The following LPP variants were observed in gnomAD, a reference collection of about 807,000 sequenced individuals.
LPP encodes the protein lipoma-preferred partner.
In LPP, 38 loss-of-function variants were observed where a neutral mutation model predicts 60.4. That is an observed-to-expected ratio of 0.63 (90% CI 0.49 to 0.83). LPP has a LOEUF of 0.83. LPP is among the 40% of genes least tolerant of loss of function. The pLI is 0.00. For synonymous variants in LPP, 328 were observed against 290.8 expected, an observed-to-expected ratio of 1.13 and a Z score of -1.30; for missense variants, 902 against 783.6, an observed-to-expected ratio of 1.15 and a Z score of -1.80.
At chr3:188,484,509 A>C in intron 4 of LPP, 83 bp from the exon 5 acceptor site, 1 of 998,952 alleles carries the variant, frequency 1.0e-6, no homozygotes, top group Non-Finnish European at 1.5e-6. Flanking sequence ...CAATTATAAA[A>C]AAGTAAAATG....
intron 7 of LPP, among the ~76,000 whole-genome samples, chr3:188,615,848 T>A (rs189233573): frequency 1.3e-3 from 197 of 152,282 alleles, no homozygotes; most frequent in African/African-American, 4.5e-3. Context: ...GATGTTGAAC[T>A]TTTTTTCATA....
chr3:188,196,715 T>C (rs758225477), intron 1 of LPP, among the ~76,000 whole-genome samples: 3 of 152,238 alleles, frequency 2.0e-5, no homozygotes, highest in Admixed American at 6.5e-5. Context: ...ATCCTTTGCA[T>C]GAATTAAGGG....
chr3:188,733,596 G>T (rs192360629), intron 8 of LPP, among the ~76,000 whole-genome samples: 64 of 152,070 alleles, frequency 4.2e-4, no homozygotes, highest in African/African-American at 1.4e-3. Flanking sequence ...AATTTTTGTT[G>T]CTACTGTGCA....
intron 7 of LPP, among the ~76,000 whole-genome samples, chr3:188,642,037 A>C (rs1580637624): frequency 6.6e-6 from 1 of 152,152 alleles, no homozygotes; most frequent in East Asian, 1.9e-4. Flanking sequence ...GCGCTTGATA[A>C]TTATTGGTGA....
At chr3:188,493,690 G>C (rs561794874) in intron 5 of LPP, among the ~76,000 whole-genome samples, 3 of 152,124 alleles carry the variant, frequency 2.0e-5, no homozygotes, top group African/African-American at 7.2e-5. Context: ...CAGTTCTCCT[G>C]TCCTGATGCC....
chr3:188,811,832 T>C lies in LPP; in HGVS notation c.1410+51550T>C, dbSNP rs547384277. ...TTGTGCTTTTGTTGTTTTCTTTTTC[T>C]TTAAATCCTTAAAAAAGTTGTGGAT... On this transcript the variant is annotated intron_variant, in intron 9 of 11. Coordinates refer to ENST00000617246, the MANE Select transcript of LPP (RefSeq NM_001375462.1). 3.5e-4 allele frequency among the ~76,000 whole-genome samples: 54 copies of C among 152,292 alleles called. 1 individual carries two copies. The highest frequency in any genetic ancestry group is 1.3e-3 in the African/African-American group (53 of 41,578).
chr3:188,179,213 C>T, intron 1 of LPP: 1 of 456,870 alleles, frequency 2.2e-6, no homozygotes. Flanking sequence ...TTGAATTTGC[C>T]ACCGTGAAGA....
At chr3:188,388,622 C>T (rs925463522) in intron 3 of LPP, among the ~76,000 whole-genome samples, 1 of 152,272 alleles carries the variant, frequency 6.6e-6, no homozygotes, top group African/African-American at 2.4e-5. Flanking sequence ...ATTCTCATGG[C>T]ATTGGGATAA....
intron 1 of LPP, among the ~76,000 whole-genome samples, chr3:188,161,813 T>C (rs1412803618): frequency 1.3e-5 from 2 of 152,196 alleles, no homozygotes; most frequent in African/African-American, 2.4e-5. Context: ...GGCTTGAAAC[T>C]TGCGCTTCAT....
intron 2 of LPP, among the ~76,000 whole-genome samples, chr3:188,233,435 CAG>C (rs1019675141): frequency 6.6e-6 from 1 of 152,150 alleles, no homozygotes; most frequent in African/African-American, 2.4e-5. Context: ...TGGACTTCTT[CAG>C]GATGAGATCA....
intron 4 of LPP, among the ~76,000 whole-genome samples, chr3:188,475,641 G>T (rs1364874937): frequency 6.6e-6 from 1 of 152,126 alleles, no homozygotes; most frequent in Non-Finnish European, 1.5e-5. Flanking sequence ...GGTGGCTCAC[G>T]CCTATAATCC....
chr3:188,556,622 T>C (rs1439865611), intron 6 of LPP, among the ~76,000 whole-genome samples: 1 of 152,062 alleles, frequency 6.6e-6, no homozygotes, highest in South Asian at 2.1e-4. Context: ...GGTTTGATTT[T>C]TTTTCAGTTT....
Position 188,609,079 on chromosome 3 carries a change from T to G in LPP, c.430-82T>G. 4 of 1,004,126 alleles carry G rather than the reference T, an allele frequency of 4.0e-6. 1 individual carries two copies. The highest frequency in any genetic ancestry group is 5.9e-6 in the Non-Finnish European group (4 of 676,116). The allele number at this position is 1,004,126 out of a possible 1,614,324, so 62.2% of individuals were successfully genotyped here. ...AAATAATAATTAGCAGTTATTAATA[T>G]TTTTCATTTATTCATTTTTATTGAG... On this transcript the variant is annotated intron_variant, in intron 6 of 11. Transcript: ENST00000617246. This position sits in a 1 kb window ranked among gnomAD's most constrained non-coding sequence, Gnocchi z 6.9.
chr3:188,578,899 G>T (rs1291765209), intron 6 of LPP, among the ~76,000 whole-genome samples: 1 of 152,146 alleles, frequency 6.6e-6, no homozygotes. Flanking sequence ...CAGTAGTTTA[G>T]TGTAGCTGAT....
At chr3:188,518,767 T>C (rs1459476513) in intron 5 of LPP, among the ~76,000 whole-genome samples, 1 of 152,210 alleles carries the variant, frequency 6.6e-6, no homozygotes, top group Admixed American at 6.5e-5. Flanking sequence ...AATTCTAGTA[T>C]ATAAACATCC....
chr3:188,413,353 G>T (rs1231256211), intron 4 of LPP, among the ~76,000 whole-genome samples: 2 of 152,102 alleles, frequency 1.3e-5, no homozygotes, highest in Non-Finnish European at 2.9e-5. Context: ...TTACAAATGG[G>T]AAACATCTTT....
In LPP at chr3:188,888,736, A is replaced by C. The variant is rs1356659081; in HGVS notation, c.*14257A>C. 1 of 221,146 alleles carries C rather than the reference A, an allele frequency of 4.5e-6. No individual in the cohort carries two copies. The highest frequency in any genetic ancestry group is 9.0e-6 in the Non-Finnish European group (1 of 110,528). The allele number at this position is 221,146 out of a possible 1,614,324, so 13.7% of individuals were successfully genotyped here. A position where few individuals can be genotyped will look rare whatever the true frequency, so the allele number is the denominator to read the frequency against. On this transcript the variant is annotated 3_prime_UTR_variant, in exon 12 of 12. Coordinates refer to ENST00000617246, the MANE Select transcript of LPP (RefSeq NM_001375462.1). ...ATACCATCAGAAAGAGTAGGTGCTGAGATAAGGAAACTTTGCCAAATGAAA... is the reference window on the plus strand; with the variant it reads ...ATACCATCAGAAAGAGTAGGTGCTGCGATAAGGAAACTTTGCCAAATGAAA...
intron 4 of LPP, among the ~76,000 whole-genome samples, chr3:188,481,673 T>C (rs1236659417): frequency 6.6e-6 from 1 of 152,152 alleles, no homozygotes; most frequent in African/African-American, 2.4e-5. Flanking sequence ...ATGACATAGT[T>C]TATTGAACCT....
chr3:188,766,554 A>G (rs1319178923), intron 9 of LPP, among the ~76,000 whole-genome samples: 1 of 152,168 alleles, frequency 6.6e-6, no homozygotes, highest in African/African-American at 2.4e-5. Context: ...TGAATCTTAG[A>G]AAGTGTCAGC....
Sources: gnomAD v4.1 joint callset for allele counts (sites outside exome capture counted in the v4.1 genomes callset) on GRCh38, gnomAD v4.1.1 for gene constraint, Gnocchi (gnomAD v3.1) non-coding constraint, MANE v1.5 for transcripts, NCBI Gene and HGNC (gene_info 2026-07-23, HGNC 2026-07-21) for gene names.